The following MTCL1 variants were observed in gnomAD, a reference collection of about 807,000 sequenced individuals.
The protein encoded by MTCL1 is microtubule crosslinking factor 1, also known as microtubule cross-linking factor 1.
In MTCL1, 79 loss-of-function variants were observed where a neutral mutation model predicts 141.4. That is an observed-to-expected ratio of 0.56 (90% CI 0.47 to 0.67). The LOEUF (loss-of-function observed/expected upper bound fraction) is 0.67. Ranked by LOEUF, MTCL1 falls within the 30% of genes least tolerant of loss-of-function variation. The pLI, the probability that MTCL1 is intolerant of heterozygous loss-of-function variation, is 0.00. For missense variants in MTCL1, 2,177 were observed against 2,113.9 expected (o/e 1.03, Z -0.59); for synonymous variants, 914 against 875.8 (o/e 1.04, Z -0.77).
chr18:8,747,635 ACT>A (rs1489160985), intron 4 of MTCL1, among the ~76,000 whole-genome samples: 4 of 151,988 alleles, frequency 2.6e-5, no homozygotes, highest in African/African-American at 9.7e-5. Flanking sequence ...ACGTGCAAAG[ACT>A]CTGTTTCCAA....
At chr18:8,776,729 ATTTATTTATTTAT>A (rs1487881919) in intron 4 of MTCL1, among the ~76,000 whole-genome samples, 2 of 57,164 alleles carry the variant, frequency 3.5e-5, no homozygotes, top group African/African-American at 2.3e-4. Flanking sequence ...CTAGTTATTT[ATTTATTTATTTAT>A]TTATTTATTT....
At position 8,718,338 on chromosome 18, in the gene MTCL1, G is replaced by C; in HGVS notation, c.-27-86G>C. 2.4e-6 allele frequency: 3 copies of C among 1,268,686 alleles called. No homozygotes were observed. The South Asian group carries it at 3.9e-5, about 17-fold the overall frequency. The allele number at this position is 1,268,686 out of a possible 1,614,324, so 78.6% of individuals were successfully genotyped here. On this transcript the variant is annotated intron_variant, in intron 2 of 16. Coordinates refer to ENST00000359865, the Ensembl canonical transcript of MTCL1. The stretch of plus-strand genomic sequence containing the variant: ...TAAGCGTGTAGGTATTCAATATTTA[G>C]TATTGAGGAGCGGGTATGAAGGAGA...
intron 11 of MTCL1, chr18:8,812,732 T>C: frequency 2.1e-6 from 1 of 471,478 alleles, no homozygotes; most frequent in Non-Finnish European, 3.8e-6. Context: ...AGTGGTGACT[T>C]AGACTAGGAA....
chr18:8,777,413 T>A (rs1384151278), intron 4 of MTCL1, among the ~76,000 whole-genome samples: 1 of 152,218 alleles, frequency 6.6e-6, no homozygotes, highest in Non-Finnish European at 1.5e-5. Context: ...CAATTAATTC[T>A]CACATTAGCC....
At chr18:8,715,038 C>T (rs1332129960), upstream of MTCL1, among the ~76,000 whole-genome samples, 5 of 152,136 alleles carry the variant, frequency 3.3e-5, no homozygotes, top group Non-Finnish European at 7.3e-5. Context: ...CCTTGTGATC[C>T]GCCCGCCTCG....
chr18:8,742,292 T>A (rs1567966202), intron 4 of MTCL1, among the ~76,000 whole-genome samples: 1 of 151,302 alleles, frequency 6.6e-6, no homozygotes, highest in East Asian at 1.9e-4. Context: ...CTGCTCTCCC[T>A]CTCTCCCTCT....
chr18:8,764,425 C>T (rs963384509), intron 4 of MTCL1, among the ~76,000 whole-genome samples: 1 of 151,826 alleles, frequency 6.6e-6, no homozygotes, highest in African/African-American at 2.4e-5. Flanking sequence ...TCAAGTGATT[C>T]TCCTGCCTCA....
intron 4 of MTCL1, among the ~76,000 whole-genome samples, chr18:8,723,313 T>C (rs2096185417): frequency 6.6e-6 from 1 of 152,216 alleles, no homozygotes; most frequent in African/African-American, 2.4e-5. Context: ...GAATGGGTTC[T>C]TTTTGCAAAA....
chr18:8,813,137 C>T, exon 12 of MTCL1: 1 of 1,614,164 alleles, frequency 6.2e-7, no homozygotes, highest in Non-Finnish European at 8.5e-7. Context: ...GCGAGAAGAA[C>T]TGGAACCGGG....
At chr18:8,808,792 A>T (rs1345493660) in intron 11 of MTCL1, among the ~76,000 whole-genome samples, 1 of 152,238 alleles carries the variant, frequency 6.6e-6, no homozygotes, top group East Asian at 1.9e-4. Context: ...GCAACAAATC[A>T]GATGTTCCTT....
intron 4 of MTCL1, among the ~76,000 whole-genome samples, chr18:8,732,547 C>T (rs185048115): frequency 2.0e-5 from 3 of 152,080 alleles, no homozygotes; most frequent in African/African-American, 4.8e-5. Context: ...AGCCATCGTA[C>T]GTTGAAATGG....
intron 4 of MTCL1, among the ~76,000 whole-genome samples, chr18:8,771,602 TATTA>T (rs1459788684): frequency 1.3e-5 from 2 of 152,236 alleles, no homozygotes; most frequent in Admixed American, 6.5e-5. Flanking sequence ...ATTGAGAGCT[TATTA>T]ATTTTTCTGA....
At chr18:8,713,984 C>T (rs1427886474), upstream of MTCL1, among the ~76,000 whole-genome samples, 4 of 152,148 alleles carry the variant, frequency 2.6e-5, no homozygotes, top group Non-Finnish European at 4.4e-5. Context: ...CTTTACCGCA[C>T]GTTGCAGTGT....
At chr18:8,780,511 C>A (rs924959136) in intron 5 of MTCL1, among the ~76,000 whole-genome samples, 1 of 152,240 alleles carries the variant, frequency 6.6e-6, no homozygotes. Context: ...ATCTCTGCTG[C>A]TGTGGATTTC....
At chr18:8,829,543 C>T in intron 16 of MTCL1, 1 of 972,976 alleles carries the variant, frequency 1.0e-6, no homozygotes, top group Non-Finnish European at 1.2e-6. Context: ...AAATCATCCC[C>T]ACTCCAAATA....
chr18:8,774,442 G>T (rs894272388), intron 4 of MTCL1, among the ~76,000 whole-genome samples: 5 of 144,662 alleles, frequency 3.5e-5, no homozygotes, highest in Admixed American at 2.7e-4. Context: ...GCAAATTTCT[G>T]GTCTTTCTTT....
Position 8,818,950 on chromosome 18 carries a change from TA to T in MTCL1, c.2860-9del, listed in dbSNP as rs755897531. The stretch of plus-strand genomic sequence containing the variant: ...AAGTGAGGCTAATTATTTTCATTTT[TA>T]AAATTCTCAAGTTGCAGAAAGAGAA... On this transcript the variant is annotated splice_polypyrimidine_tract_variant and intron_variant, in intron 12 of 16. Transcript: ENST00000359865. 1 of 1,595,418 alleles carries T rather than the reference TA, an allele frequency of 6.3e-7. No individual in the cohort carries two copies. Among genetic ancestry groups the T allele is most frequent in the Admixed American group, 1.7e-5 (1 of 58,146 alleles).
chr18:8,829,649 C>T, intron 16 of MTCL1: 3 of 985,274 alleles, frequency 3.0e-6, no homozygotes, highest in Non-Finnish European at 3.6e-6. Context: ...ATCCACCCAC[C>T]TCATCCACTG....
At chr18:8,825,340 C>G (rs531128111) in exon 15 of MTCL1, 3 of 1,538,766 alleles carry the variant, frequency 1.9e-6, no homozygotes, top group Admixed American at 4.0e-5. Context: ...CTGGAGATGT[C>G]CAAGAACTTG....
Sources: allele counts gnomAD v4.1 joint callset (sites outside exome capture counted in the v4.1 genomes callset), GRCh38; gene constraint gnomAD v4.1.1; transcripts MANE v1.5; gene names NCBI Gene and HGNC (gene_info 2026-07-23, HGNC 2026-07-21).